Variants in STXBP5L observed in about 807,000 individuals in gnomAD.
STXBP5L encodes syntaxin-binding protein 5-like.
STXBP5L carries 65 observed loss-of-function variants against 144.5 expected under a neutral mutation model. The observed-to-expected ratio is 0.45, with a 90% CI of 0.37 to 0.55. The LOEUF is 0.55. Among genes scored for constraint, STXBP5L ranks in the 20% least tolerant of loss-of-function variants. The pLI is 0.00. For missense variants in STXBP5L, 1,298 were observed against 1,405.5 expected, an observed-to-expected ratio of 0.92 and a Z score of 1.22; for synonymous variants, 505 against 469.6, an observed-to-expected ratio of 1.08 and a Z score of -0.97.
intron 3 of STXBP5L, among the ~76,000 whole-genome samples, chr3:120,990,943 C>G (rs1019785428): frequency 6.6e-6 from 1 of 152,286 alleles, no homozygotes; most frequent in South Asian, 2.1e-4. Flanking sequence ...GACTAAAACA[C>G]CAAAAGCAAT....
intron 15 of STXBP5L, among the ~76,000 whole-genome samples, chr3:121,251,696 A>C (rs2050030914): frequency 6.6e-6 from 1 of 152,190 alleles, no homozygotes. Context: ...ACCAATGAAG[A>C]AGCAGCATAA....
chr3:120,961,876 T>C (rs1938873098), intron 3 of STXBP5L, among the ~76,000 whole-genome samples: 1 of 152,206 alleles, frequency 6.6e-6, no homozygotes, highest in Non-Finnish European at 1.5e-5. Context: ...TTGAACTAGT[T>C]TACACTCCCA....
chr3:120,963,201 T>C (rs1477409759), intron 3 of STXBP5L, among the ~76,000 whole-genome samples: 1 of 152,208 alleles, frequency 6.6e-6, no homozygotes, highest in Non-Finnish European at 1.5e-5. Context: ...TTTCTAAATA[T>C]ACAATCATGT....
chr3:121,175,196 G>A (rs1439653205), intron 9 of STXBP5L, among the ~76,000 whole-genome samples: 1 of 152,006 alleles, frequency 6.6e-6, no homozygotes, highest in African/African-American at 2.4e-5. Flanking sequence ...TCTCTCTGGG[G>A]AACAAAGACT....
At chr3:121,229,384 T>C (rs2049228280) in intron 11 of STXBP5L, among the ~76,000 whole-genome samples, 2 of 152,116 alleles carry the variant, frequency 1.3e-5, no homozygotes, top group Admixed American at 1.3e-4. Flanking sequence ...TTTTTTCTCT[T>C]ATTAAACACA....
chr3:120,967,034 G>C (rs1302140153), intron 3 of STXBP5L, among the ~76,000 whole-genome samples: 2 of 152,042 alleles, frequency 1.3e-5, no homozygotes, highest in Non-Finnish European at 2.9e-5. Context: ...CCAGGCTGCC[G>C]CTTGGCAGAT....
At chr3:120,987,296 A>G (rs568867212) in intron 3 of STXBP5L, among the ~76,000 whole-genome samples, 1 of 152,102 alleles carries the variant, frequency 6.6e-6, no homozygotes, top group South Asian at 2.1e-4. Flanking sequence ...TATTATCAGT[A>G]TTTTTAAGTT....
chr3:121,179,239 C>T (rs2047048332), intron 9 of STXBP5L, among the ~76,000 whole-genome samples: 1 of 151,964 alleles, frequency 6.6e-6, no homozygotes, highest in Non-Finnish European at 1.5e-5. Flanking sequence ...ACAGTGAACT[C>T]ACCCACACAC....
At chr3:121,068,537 T>A (rs1302260592) in intron 5 of STXBP5L, among the ~76,000 whole-genome samples, 1 of 152,130 alleles carries the variant, frequency 6.6e-6, no homozygotes, top group African/African-American at 2.4e-5. Context: ...TCAACATGAA[T>A]CCTTCACTTA....
rs138055827 is a variant in STXBP5L at position 121,310,152 on chromosome 3, G to T, written c.2111-8323G>T. Among the ~76,000 whole-genome samples, 393 of 152,236 alleles carry T rather than the reference G, an allele frequency of 2.6e-3. 2 individuals are homozygous for T. Among genetic ancestry groups the T allele is most frequent in the South Asian group, 0.026 (124 of 4,826 alleles). On this transcript the variant is annotated intron_variant, in intron 19 of 26. Transcript: ENST00000471454. ...AAATGAACTTTAATTCCTACTTCACGTCACAACCAATCATTTTTAAAGTTC... is the reference window on the plus strand; with the variant it reads ...AAATGAACTTTAATTCCTACTTCACTTCACAACCAATCATTTTTAAAGTTC...
Position 121,419,248 on chromosome 3 carries a change from G to C in STXBP5L, c.*151G>C. ...AAATTTTCATAAAAGAGATGTATCA[G>C]AGACACTGTGCAACCCAAAGGCTGG... On this transcript the variant is annotated 3_prime_UTR_variant, in exon 27 of 27. Coordinates refer to ENST00000471454, the MANE Select transcript of STXBP5L (RefSeq NM_001308330.2). 1 of 766,338 alleles carries C rather than the reference G, an allele frequency of 1.3e-6. No individual in the cohort carries two copies. The highest frequency in any genetic ancestry group is 2.0e-6 in the Non-Finnish European group (1 of 501,638). 47.5% of individuals were successfully genotyped at this position (766,338 alleles called of 1,614,324 possible).
chr3:120,986,516 T>G (rs1245227304), intron 3 of STXBP5L, among the ~76,000 whole-genome samples: 4 of 152,006 alleles, frequency 2.6e-5, no homozygotes, highest in Non-Finnish European at 4.4e-5. Flanking sequence ...ATTTTGTCAG[T>G]TTTTGCTTAT....
At chr3:121,083,699 T>A (rs1404609136) in intron 5 of STXBP5L, among the ~76,000 whole-genome samples, 2 of 152,196 alleles carry the variant, frequency 1.3e-5, no homozygotes, top group Admixed American at 6.5e-5. Flanking sequence ...ATTCTTTAAG[T>A]GTTTGGTAAA....
At chr3:121,002,446 A>T (rs776331306) in intron 3 of STXBP5L, among the ~76,000 whole-genome samples, 2 of 152,102 alleles carry the variant, frequency 1.3e-5, no homozygotes, top group African/African-American at 2.4e-5. Flanking sequence ...ATATATGCAT[A>T]TCAGATATAT....
intron 7 of STXBP5L, among the ~76,000 whole-genome samples, chr3:121,136,684 C>A (rs1488973288): frequency 1.3e-5 from 2 of 152,158 alleles, no homozygotes; most frequent in South Asian, 2.1e-4. Context: ...TTCCAAAGAA[C>A]TGAAAGCAGA....
intron 3 of STXBP5L, among the ~76,000 whole-genome samples, chr3:121,023,836 A>T (rs1322447847): frequency 6.6e-6 from 1 of 152,124 alleles, no homozygotes; most frequent in Non-Finnish European, 1.5e-5. Context: ...GCTCACTGCA[A>T]GCTCTGCCTC....
chr3:121,095,090 T>C (rs545786355), intron 5 of STXBP5L, among the ~76,000 whole-genome samples: 7 of 152,208 alleles, frequency 4.6e-5, no homozygotes, highest in South Asian at 2.1e-4. Context: ...AAAATTCTTT[T>C]CTTTAAGAAT....
At chr3:121,036,793 A>G (rs187257493) in intron 3 of STXBP5L, among the ~76,000 whole-genome samples, 77 of 51,534 alleles carry the variant, frequency 1.5e-3, no homozygotes, top group African/African-American at 5.9e-3. Context: ...TTTTTTTTTT[A>G]TTATACTCTA....
At chr3:121,041,031 T>C (rs1028037222) in intron 3 of STXBP5L, among the ~76,000 whole-genome samples, 4 of 151,876 alleles carry the variant, frequency 2.6e-5, no homozygotes, top group Non-Finnish European at 5.9e-5. Context: ...AATATGTAAG[T>C]AAATTTTGTT....
Sources: gnomAD v4.1 joint callset for allele counts (sites outside exome capture counted in the v4.1 genomes callset) on GRCh38, gnomAD v4.1.1 for gene constraint, MANE v1.5 for transcripts, NCBI Gene and HGNC (gene_info 2026-07-23, HGNC 2026-07-21) for gene names.